Variants in EIF4G3 observed in about 807,000 individuals in gnomAD.
EIF4G3 encodes eIF-4-gamma 3.
In EIF4G3, 34 loss-of-function variants were observed where a neutral mutation model predicts 186.4. The ratio of observed to expected loss-of-function variants is 0.18; its 90% CI spans 0.14 to 0.24. The LOEUF is 0.24. EIF4G3 is among the 10% of genes least tolerant of loss of function. The probability of loss-of-function intolerance (pLI) is 1.00; values close to 1 mark genes in which losing one functional copy is unlikely to be tolerated. For synonymous variants in EIF4G3, 673 were observed against 679.5 expected (o/e 0.99, Z 0.15); for missense variants, 1,536 against 1,948.5 (o/e 0.79, Z 3.99).
intron 2 of EIF4G3, among the ~76,000 whole-genome samples, chr1:21,135,526 A>T (rs1274402808): frequency 6.6e-6 from 1 of 152,174 alleles, no homozygotes. Context: ...AAAACAAAGA[A>T]AATTAAATGG....
At chr1:20,902,846 G>A (rs1392215156) in intron 15 of EIF4G3, among the ~76,000 whole-genome samples, 3 of 152,146 alleles carry the variant, frequency 2.0e-5, no homozygotes, top group African/African-American at 7.2e-5. Flanking sequence ...TCGTCATGTT[G>A]GCCAGGCTGG....
intron 3 of EIF4G3, among the ~76,000 whole-genome samples, chr1:21,058,048 T>A (rs188762599): frequency 6.6e-6 from 1 of 152,228 alleles, no homozygotes; most frequent in Non-Finnish European, 1.5e-5. Flanking sequence ...CACTAACTTA[T>A]TGGATTTGAT....
intron 4 of EIF4G3, among the ~76,000 whole-genome samples, chr1:21,039,775 T>C (rs2093454326): frequency 6.6e-6 from 1 of 152,184 alleles, no homozygotes; most frequent in South Asian, 2.1e-4. Context: ...AAGGAATTGA[T>C]ATCCAGAACA....
intron 2 of EIF4G3, among the ~76,000 whole-genome samples, chr1:21,100,195 A>T (rs868388651): frequency 6.6e-6 from 1 of 152,180 alleles, no homozygotes; most frequent in African/African-American, 2.4e-5. Flanking sequence ...TGGTTGCCTA[A>T]GCTGAAGGGA....
At chr1:20,882,296 A>C (rs2082633804) in intron 19 of EIF4G3, among the ~76,000 whole-genome samples, 1 of 152,152 alleles carries the variant, frequency 6.6e-6, no homozygotes, top group South Asian at 2.1e-4. Flanking sequence ...GGACTGCAGG[A>C]GGCCAGGAGT....
intron 20 of EIF4G3, 78 bp from the exon 21 acceptor site, chr1:20,865,340 T>A (rs893424555): frequency 6.6e-7 from 1 of 1,520,462 alleles, no homozygotes; most frequent in Non-Finnish European, 8.9e-7. Flanking sequence ...CTTTATTGTA[T>A]GAAATAATGC....
chr1:20,861,468 A>T (rs577853706), intron 23 of EIF4G3, among the ~76,000 whole-genome samples: 13 of 152,200 alleles, frequency 8.5e-5, no homozygotes, highest in Non-Finnish European at 1.8e-4. Flanking sequence ...AAACACCAAT[A>T]TCTGAGCTGG....
Position 20,934,520 on chromosome 1 carries a change from C to T in EIF4G3, c.1663+6971G>A, listed in dbSNP as rs1056136106. On this transcript the variant is annotated intron_variant, in intron 14 of 36. Coordinates refer to ENST00000602326, the MANE Select transcript of EIF4G3 (RefSeq NM_001391906.1). ...GGCAGAAAGTTAAAAAAAAGGCGTA[C>T]CCAGTGTCCTCAATGTTCTCAATAA... Among the ~76,000 whole-genome samples, 12 of 152,040 alleles carry T rather than the reference C, an allele frequency of 7.9e-5. No homozygotes were observed. The East Asian group carries it at 9.7e-4, about 12-fold the overall frequency.
chr1:21,155,552 C>T (rs180960349), intron 2 of EIF4G3, among the ~76,000 whole-genome samples: 170 of 152,166 alleles, frequency 1.1e-3, no homozygotes, highest in African/African-American at 3.8e-3. Context: ...AAGTTTTAGT[C>T]AGGTACGGTG....
intron 2 of EIF4G3, among the ~76,000 whole-genome samples, chr1:21,148,600 G>A (rs2097494415): frequency 6.6e-6 from 1 of 151,542 alleles, no homozygotes; most frequent in African/African-American, 2.4e-5. Context: ...TACTCGAGAG[G>A]CTAAGGCAGG....
chr1:20,983,172 C>T lies in EIF4G3; in HGVS notation c.178-764G>A, dbSNP rs57917993. Among the ~76,000 whole-genome samples, 789 of 152,226 alleles carry T rather than the reference C, an allele frequency of 5.2e-3. 7 individuals are homozygous for T. Among genetic ancestry groups the T allele is most frequent in the African/African-American group, 0.018 (756 of 41,516 alleles). On this transcript the variant is annotated intron_variant, in intron 7 of 36. Coordinates refer to ENST00000602326, the MANE Select transcript of EIF4G3 (RefSeq NM_001391906.1). ...GTGTCCAAGGCTCATCCCCATTCAG[C>T]CTTCCTACCCCATGGCAAAGATAGC...
intron 14 of EIF4G3, among the ~76,000 whole-genome samples, chr1:20,916,812 G>A (rs2093931093): frequency 6.6e-6 from 1 of 152,164 alleles, no homozygotes; most frequent in Admixed American, 6.5e-5. Context: ...CTCTCATTAT[G>A]TATGCACAAC....
rs1397733253 is a variant in EIF4G3 at position 21,164,670 on chromosome 1, G to A, written c.-272+11505C>T. Among the ~76,000 whole-genome samples the A allele has an allele frequency of 3.9e-5, 6 of 152,206 alleles. No individual in the cohort carries two copies. The East Asian group carries it at 1.2e-3, about 29-fold the overall frequency. The stretch of plus-strand genomic sequence containing the variant: ...AGCCCAGGAGTTGGAGACCAGCCTG[G>A]GCAACATGGTGAAATCCCGTCTCTA... On this transcript the variant is annotated intron_variant, in intron 2 of 36. Transcript: ENST00000602326.
intron 7 of EIF4G3, among the ~76,000 whole-genome samples, chr1:20,996,989 T>C (rs1222479017): frequency 2.6e-5 from 4 of 152,110 alleles, no homozygotes; most frequent in African/African-American, 9.7e-5. Flanking sequence ...AGAATTAATA[T>C]TATTTCATTT....
chr1:20,821,795 C>T (rs994974995), intron 33 of EIF4G3, among the ~76,000 whole-genome samples: 16 of 151,800 alleles, frequency 1.1e-4, no homozygotes, highest in African/African-American at 3.9e-4. Flanking sequence ...ATTATGTATA[C>T]TTCACCATCT....
At chr1:20,849,634 C>T in intron 28 of EIF4G3, 104 bp from the exon 29 acceptor site, 1 of 479,782 alleles carries the variant, frequency 2.1e-6, no homozygotes, top group Non-Finnish European at 3.7e-6. Context: ...ATTTTAATAG[C>T]TACAAGACAT....
intron 16 of EIF4G3, among the ~76,000 whole-genome samples, chr1:20,898,238 G>C (rs2089035246): frequency 6.6e-6 from 1 of 152,024 alleles, no homozygotes; most frequent in South Asian, 2.1e-4. Flanking sequence ...GCTGGGCATG[G>C]GAGCACTTTG....
At chr1:20,922,982 A>G (rs971872900) in intron 14 of EIF4G3, among the ~76,000 whole-genome samples, 4 of 152,192 alleles carry the variant, frequency 2.6e-5, no homozygotes, top group African/African-American at 9.6e-5. Flanking sequence ...GTATTACAGT[A>G]TTCCCATTTC....
At chr1:21,078,427 T>C (rs1262842261) in intron 3 of EIF4G3, among the ~76,000 whole-genome samples, 1 of 152,174 alleles carries the variant, frequency 6.6e-6, no homozygotes, top group Non-Finnish European at 1.5e-5. Context: ...CAGAGTAGAA[T>C]GATGGTTACC....
Sources: gnomAD v4.1 joint callset for allele counts (sites outside exome capture counted in the v4.1 genomes callset) on GRCh38, gnomAD v4.1.1 for gene constraint, MANE v1.5 for transcripts, NCBI Gene and HGNC (gene_info 2026-07-23, HGNC 2026-07-21) for gene names.